Variants in KCNMB2 observed in about 807,000 individuals in gnomAD.
KCNMB2 encodes the protein calcium-activated potassium channel subunit beta-2.
Under a neutral mutation model 24.5 loss-of-function variants are expected in KCNMB2, and 9 were observed. That is an observed-to-expected ratio of 0.37 (90% CI 0.22 to 0.64). KCNMB2 has a LOEUF of 0.64. Among genes scored for constraint, KCNMB2 ranks in the 30% least tolerant of loss-of-function variants. The pLI is 0.63. For missense variants in KCNMB2, 226 were observed against 284.3 expected (o/e 0.79, Z 1.47); for synonymous variants, 109 against 104.4 (o/e 1.04, Z -0.27).
chr3:178,728,221 G>A (rs1488846452), intron 1 of KCNMB2, among the ~76,000 whole-genome samples: 1 of 152,088 alleles, frequency 6.6e-6, no homozygotes, highest in East Asian at 1.9e-4. Context: ...AGAGTGGGCA[G>A]GAATCAGACA....
At chr3:178,613,980 T>A (rs772447727) in intron 1 of KCNMB2, among the ~76,000 whole-genome samples, 110 of 151,702 alleles carry the variant, frequency 7.3e-4, no homozygotes, top group Non-Finnish European at 1.3e-3. Flanking sequence ...CCTGTAGGTG[T>A]GCTTCATTTC....
intron 1 of KCNMB2, among the ~76,000 whole-genome samples, chr3:178,689,470 C>T (rs925606498): frequency 1.3e-5 from 2 of 151,990 alleles, no homozygotes; most frequent in Admixed American, 6.6e-5. Context: ...CCCGTCTCTA[C>T]TAAAAATACA....
intron 1 of KCNMB2, among the ~76,000 whole-genome samples, chr3:178,703,349 T>G (rs1473406983): frequency 6.6e-6 from 1 of 152,106 alleles, no homozygotes; most frequent in Non-Finnish European, 1.5e-5. Context: ...ACCATTCCAT[T>G]ATTCCCAAGG....
chr3:178,825,616 G>A lies in KCNMB2; in HGVS notation c.85G>A (p.Asp29Asn), dbSNP rs1438454330. 17 of 1,613,674 alleles carry A rather than the reference G, an allele frequency of 1.1e-5. No homozygotes were observed. The highest frequency in any genetic ancestry group is 1.3e-5 in the Non-Finnish European group (15 of 1,179,710). Residue 29 changes from aspartate (D) to asparagine (N), a missense_variant, in exon 3 of 5, where the codon GAC becomes AAC. Coordinates refer to ENST00000452583, the MANE Select transcript of KCNMB2 (RefSeq NM_181361.3). ...RNIYQKIRDHDLLDKRKTVTA... is the reference protein window; with the variant it reads ...RNIYQKIRDHNLLDKRKTVTA... ...TATTTACCAGAAAATCAGGGACCAT[G>A]ACCTCCTGGACAAAAGGAAAACAGT...
At chr3:178,632,339 A>G (rs141197533) in intron 1 of KCNMB2, among the ~76,000 whole-genome samples, 115 of 152,332 alleles carry the variant, frequency 7.5e-4, no homozygotes, top group Non-Finnish European at 1.3e-3. Flanking sequence ...TCACACTGCT[A>G]ATAAAGATAT....
At chr3:178,583,410 T>C (rs577061521) in intron 1 of KCNMB2, among the ~76,000 whole-genome samples, 1 of 152,328 alleles carries the variant, frequency 6.6e-6, no homozygotes, top group East Asian at 1.9e-4. Flanking sequence ...TAATGGCAAG[T>C]TTCCGTCTCT....
At chr3:178,617,213 A>T (rs951566208) in intron 1 of KCNMB2, among the ~76,000 whole-genome samples, 4 of 152,168 alleles carry the variant, frequency 2.6e-5, no homozygotes, top group African/African-American at 9.7e-5. Context: ...GCTTGTTTTA[A>T]AATATTATTA....
intron 1 of KCNMB2, among the ~76,000 whole-genome samples, chr3:178,543,429 T>C (rs907745552): frequency 3.3e-5 from 5 of 152,194 alleles, no homozygotes; most frequent in African/African-American, 1.2e-4. Flanking sequence ...ACTGACCAGG[T>C]GAATGCATGA....
chr3:178,821,346 T>C (rs1450900059), intron 2 of KCNMB2, among the ~76,000 whole-genome samples: 1 of 152,140 alleles, frequency 6.6e-6, no homozygotes, highest in Non-Finnish European at 1.5e-5. Context: ...GAAGACAACA[T>C]GGTGTAGAAG....
chr3:178,776,745 G>A (rs1246455411), intron 1 of KCNMB2, among the ~76,000 whole-genome samples: 3 of 152,222 alleles, frequency 2.0e-5, no homozygotes, highest in Admixed American at 6.5e-5. Flanking sequence ...GGAGGTGATA[G>A]TTTTGCCATC....
intron 1 of KCNMB2, among the ~76,000 whole-genome samples, chr3:178,769,498 G>A (rs1385902675): frequency 6.6e-6 from 1 of 152,158 alleles, no homozygotes; most frequent in Non-Finnish European, 1.5e-5. Flanking sequence ...AACTACGGGA[G>A]AGAGGCAAAG....
At chr3:178,554,478 G>T (rs1716058425) in intron 1 of KCNMB2, among the ~76,000 whole-genome samples, 1 of 152,014 alleles carries the variant, frequency 6.6e-6, no homozygotes. Context: ...ATTGTTTAAA[G>T]AAAAAAATAT....
chr3:178,746,066 G>A (rs12696461), intron 1 of KCNMB2, among the ~76,000 whole-genome samples: 25,457 of 152,132 alleles, frequency 0.17, 2,489 homozygotes, highest in African/African-American at 0.25. Context: ...GTGGTGCCCC[G>A]GTAGGGACTC....
chr3:178,828,003 C>A (rs199717973), intron 3 of KCNMB2, among the ~76,000 whole-genome samples, 175 bp from the exon 4 acceptor site: 1 of 152,156 alleles, frequency 6.6e-6, no homozygotes, highest in South Asian at 2.1e-4. Context: ...CTATGTTATA[C>A]GGTAGTTTGC....
chr3:178,683,457 T>G (rs755887009), intron 1 of KCNMB2, among the ~76,000 whole-genome samples: 2 of 152,144 alleles, frequency 1.3e-5, no homozygotes, highest in Admixed American at 6.5e-5. Flanking sequence ...AATCTGCACA[T>G]GTACCCACTG....
chr3:178,623,879 T>C (rs532592923), intron 1 of KCNMB2, among the ~76,000 whole-genome samples: 2 of 152,300 alleles, frequency 1.3e-5, no homozygotes, highest in African/African-American at 4.8e-5. Context: ...ACTTGAGTGC[T>C]GGGCAAGCCT....
intron 1 of KCNMB2, among the ~76,000 whole-genome samples, chr3:178,580,052 C>CAG (rs1390334670): frequency 1.3e-5 from 2 of 152,130 alleles, no homozygotes; most frequent in Admixed American, 1.3e-4. Context: ...AAAAACCTGG[C>CAG]AGACACAAAA....
chr3:178,770,459 C>T (rs955120429), intron 1 of KCNMB2, among the ~76,000 whole-genome samples: 2 of 152,182 alleles, frequency 1.3e-5, no homozygotes, highest in Non-Finnish European at 2.9e-5. Flanking sequence ...AGATGAGGAC[C>T]AAGTGCGGTA....
chr3:178,620,519 C>A (rs989754191), intron 1 of KCNMB2, among the ~76,000 whole-genome samples: 1 of 152,154 alleles, frequency 6.6e-6, no homozygotes, highest in Admixed American at 6.6e-5. Context: ...TGAGGACTTG[C>A]TCCCTGGTTC....
Sources: allele counts gnomAD v4.1 joint callset (sites outside exome capture counted in the v4.1 genomes callset), GRCh38; gene constraint gnomAD v4.1.1; transcripts MANE v1.5; gene names NCBI Gene and HGNC (gene_info 2026-07-23, HGNC 2026-07-21).